Variants in IL1RAPL2 observed in about 807,000 individuals in gnomAD.
The protein encoded by IL1RAPL2 is X-linked interleukin-1 receptor accessory protein-like 2.
A neutral mutation model predicts 44.1 loss-of-function variants in IL1RAPL2; 3 were observed. That is an observed-to-expected ratio of 0.07 (90% CI 0.03 to 0.18). The LOEUF is 0.18. Among genes scored for constraint, IL1RAPL2 ranks in the 10% least tolerant of loss-of-function variants. The pLI is 1.00. For missense variants in IL1RAPL2, 391 were observed against 496.4 expected (o/e 0.79, Z 2.02); for synonymous variants, 181 against 178.8 (o/e 1.01, Z -0.10).
chrX:104,674,786 G>T (rs1196371976), intron 2 of IL1RAPL2, among the ~76,000 whole-genome samples: 1 of 110,930 alleles, frequency 9.0e-6, no homozygotes, highest in African/African-American at 3.3e-5. Context: ...CCTGTTATTG[G>T]TCTATTCAGA....
At chrX:104,655,187 C>T (rs1484126280) in intron 1 of IL1RAPL2, among the ~76,000 whole-genome samples, 1 of 111,491 alleles carries the variant, frequency 9.0e-6, no homozygotes, top group African/African-American at 3.3e-5. Flanking sequence ...CCTGATTGCC[C>T]TGGCCAGAAT....
rs188709508 is a variant in IL1RAPL2 at position 105,214,781 on chromosome X, C to A, written c.356+19033C>A. On this transcript the variant is annotated intron_variant, in intron 3 of 10. Transcript: ENST00000372582. ...TGGAAATCATAACAGTCTCTCGGACCACAGTGCAATCAAATTAGAGCTCAA... is the reference window on the plus strand; with the variant it reads ...TGGAAATCATAACAGTCTCTCGGACAACAGTGCAATCAAATTAGAGCTCAA... Among the ~76,000 whole-genome samples, 17 of 111,957 alleles carry A rather than the reference C, an allele frequency of 1.5e-4. No individual in the cohort carries two copies. In the East Asian group the frequency reaches 4.2e-3, roughly 28 times the overall value.
chrX:105,107,315 G>C (rs2032754190), intron 2 of IL1RAPL2, among the ~76,000 whole-genome samples: 1 of 112,291 alleles, frequency 8.9e-6, no homozygotes, highest in Non-Finnish European at 1.9e-5. Flanking sequence ...GAAATCTTGA[G>C]TTTGAGTCAG....
intron 6 of IL1RAPL2, among the ~76,000 whole-genome samples, chrX:105,626,095 G>C (rs1224293319): frequency 9.0e-6 from 1 of 111,400 alleles, no homozygotes; most frequent in Non-Finnish European, 1.9e-5. Flanking sequence ...GAAGACAATA[G>C]ACAAACAGAT....
intron 2 of IL1RAPL2, among the ~76,000 whole-genome samples, chrX:104,829,983 T>C (rs1331029476): frequency 8.9e-6 from 1 of 111,891 alleles, no homozygotes; most frequent in African/African-American, 3.2e-5. Context: ...TGCAGCTGGT[T>C]AAGAGTAGAG....
chrX:105,765,720 T>C (rs1318156845), intron 10 of IL1RAPL2, among the ~76,000 whole-genome samples: 3 of 112,826 alleles, frequency 2.7e-5, no homozygotes, highest in Non-Finnish European at 5.6e-5. Context: ...GTAGTGAAAA[T>C]AAAACCTTAG....
intron 5 of IL1RAPL2, among the ~76,000 whole-genome samples, chrX:105,479,074 T>C (rs1183066690): frequency 2.7e-5 from 3 of 111,445 alleles, no homozygotes; most frequent in Non-Finnish European, 5.7e-5. Flanking sequence ...TAAGGAAGGC[T>C]TTCTGGAGGA....
chrX:104,814,643 A>G (rs371751705), intron 2 of IL1RAPL2, among the ~76,000 whole-genome samples: 6 of 111,995 alleles, frequency 5.4e-5, no homozygotes, highest in East Asian at 2.8e-4. Flanking sequence ...ATTTTTGACA[A>G]TGATTCTATT....
intron 2 of IL1RAPL2, among the ~76,000 whole-genome samples, chrX:105,175,911 A>G (rs1174406037): frequency 9.0e-6 from 1 of 111,241 alleles, no homozygotes; most frequent in East Asian, 2.8e-4. Context: ...GATATTGATT[A>G]TAACGATTAA....
intron 5 of IL1RAPL2, among the ~76,000 whole-genome samples, chrX:105,311,303 T>G (rs1252461732): frequency 9.0e-6 from 1 of 110,687 alleles, no homozygotes; most frequent in Non-Finnish European, 1.9e-5. Flanking sequence ...TATGATATGC[T>G]TAAGTTTATG....
chrX:104,971,552 A>G (rs1275681610), intron 2 of IL1RAPL2, among the ~76,000 whole-genome samples: 3 of 110,922 alleles, frequency 2.7e-5, no homozygotes, highest in African/African-American at 9.9e-5. Context: ...GGTTTTATTA[A>G]TAACTGCACA....
chrX:105,528,210 C>A (rs938684589), intron 6 of IL1RAPL2, among the ~76,000 whole-genome samples: 1 of 111,617 alleles, frequency 9.0e-6, no homozygotes, highest in African/African-American at 3.2e-5. Context: ...GCACTTTTCC[C>A]CTTGTCAGTG....
intron 6 of IL1RAPL2, among the ~76,000 whole-genome samples, chrX:105,499,468 G>T (rs1277463017): frequency 1.8e-5 from 2 of 110,888 alleles, no homozygotes; most frequent in Non-Finnish European, 3.8e-5. Context: ...CAAAATAGAA[G>T]AAAATATTTG....
At chrX:104,930,389 C>T (rs1346112566) in intron 2 of IL1RAPL2, among the ~76,000 whole-genome samples, 1 of 111,947 alleles carries the variant, frequency 8.9e-6, no homozygotes, top group Non-Finnish European at 1.9e-5. Context: ...GACTTGAGAG[C>T]TATTGGTTTT....
intron 6 of IL1RAPL2, among the ~76,000 whole-genome samples, chrX:105,593,171 C>T (rs1053421408): frequency 7.2e-5 from 8 of 111,312 alleles, no homozygotes; most frequent in Non-Finnish European, 1.5e-4. Context: ...CGAGTTGATT[C>T]GAAGAACCAG....
intron 5 of IL1RAPL2, among the ~76,000 whole-genome samples, chrX:105,353,617 G>C (rs1214985946): frequency 9.0e-6 from 1 of 111,360 alleles, no homozygotes; most frequent in African/African-American, 3.3e-5. Flanking sequence ...TTGAGCAGTG[G>C]TTTGTGGATC....
At chrX:104,765,857 G>T (rs1287120486) in intron 2 of IL1RAPL2, among the ~76,000 whole-genome samples, 1 of 112,130 alleles carries the variant, frequency 8.9e-6, no homozygotes, top group East Asian at 2.8e-4. Context: ...TAAAATATTT[G>T]TCCTCTGTTT....
chrX:104,959,774 A>T (rs2029970166), intron 2 of IL1RAPL2, among the ~76,000 whole-genome samples: 1 of 110,977 alleles, frequency 9.0e-6, no homozygotes, highest in African/African-American at 3.3e-5. Context: ...GGGCAATCCC[A>T]TATTATACCT....
intron 2 of IL1RAPL2, among the ~76,000 whole-genome samples, chrX:104,670,423 T>C: frequency 9.0e-6 from 1 of 111,359 alleles, no homozygotes; most frequent in East Asian, 2.9e-4. Context: ...TGCCCACCCA[T>C]ACTGAGGGTG....
Sources: gnomAD v4.1 joint callset for allele counts (sites outside exome capture counted in the v4.1 genomes callset) on GRCh38, gnomAD v4.1.1 for gene constraint, MANE v1.5 for transcripts, NCBI Gene and HGNC (gene_info 2026-07-23, HGNC 2026-07-21) for gene names.